TFAP2D: variants seen among roughly 807,000 people sequenced by gnomAD.
The protein encoded by TFAP2D is transcription factor AP-2 delta.
A neutral mutation model predicts 43.6 loss-of-function variants in TFAP2D; 9 were observed. The observed-to-expected ratio is 0.21, with a 90% CI of 0.12 to 0.36. TFAP2D has a LOEUF of 0.36. TFAP2D is among the 10% of genes least tolerant of loss of function. TFAP2D has a pLI of 1.00. For missense variants in TFAP2D, 513 were observed against 561.4 expected (o/e 0.91, Z 0.87); for synonymous variants, 256 against 224.9 (o/e 1.14, Z -1.24).
chr6:50,764,397 T>C (rs1252212935), intron 7 of TFAP2D, among the ~76,000 whole-genome samples: 1 of 152,202 alleles, frequency 6.6e-6, no homozygotes, highest in Non-Finnish European at 1.5e-5. Flanking sequence ...CTTTTTCTCA[T>C]TCTTGGAACA....
intron 3 of TFAP2D, among the ~76,000 whole-genome samples, chr6:50,727,043 T>C (rs1181705763): frequency 1.3e-5 from 2 of 152,218 alleles, no homozygotes; most frequent in Admixed American, 6.5e-5. Flanking sequence ...TCAGACACTG[T>C]CATGGAGGTT....
intron 7 of TFAP2D, among the ~76,000 whole-genome samples, chr6:50,755,756 T>C (rs1769255815): frequency 6.6e-6 from 1 of 152,056 alleles, no homozygotes; most frequent in Non-Finnish European, 1.5e-5. Flanking sequence ...AAGACCAGGC[T>C]GTGCAACATA....
intron 3 of TFAP2D, among the ~76,000 whole-genome samples, chr6:50,724,928 AG>A (rs1768786799): frequency 6.6e-6 from 1 of 152,048 alleles, no homozygotes; most frequent in African/African-American, 2.4e-5. Context: ...CCTCCTTACA[AG>A]GTGGGGAGAT....
At chr6:50,720,540 T>C (rs181671783) in intron 3 of TFAP2D, among the ~76,000 whole-genome samples, 174 of 128,606 alleles carry the variant, frequency 1.4e-3, no homozygotes, top group African/African-American at 5.0e-3. Flanking sequence ...CACACACACA[T>C]ATACGTGGTA....
At chr6:50,749,089 C>T (rs1208823838) in intron 6 of TFAP2D, among the ~76,000 whole-genome samples, 2 of 151,644 alleles carry the variant, frequency 1.3e-5, no homozygotes, top group African/African-American at 2.4e-5. Flanking sequence ...TAATTGCCTA[C>T]AGGGAATCTA....
chr6:50,719,221 G>A, intron 3 of TFAP2D, 71 bp downstream of exon 3: 1 of 1,500,094 alleles, frequency 6.7e-7, no homozygotes, highest in East Asian at 2.3e-5. Flanking sequence ...TAGAAGATCT[G>A]GTTGTGCTCA....
At chr6:50,729,061 C>T in intron 4 of TFAP2D, 40 bp downstream of exon 4, 25 of 1,610,488 alleles carry the variant, frequency 1.6e-5, no homozygotes, top group Non-Finnish European at 2.1e-5. Context: ...TTTCTGCTAA[C>T]TGATACCATA....
chr6:50,753,192 T>C (rs1412911077), intron 7 of TFAP2D, among the ~76,000 whole-genome samples: 5 of 151,866 alleles, frequency 3.3e-5, no homozygotes, highest in African/African-American at 1.2e-4. Flanking sequence ...TAAATGACAA[T>C]TTTACTCTGA....
chr6:50,727,580 T>A (rs1006565233), intron 3 of TFAP2D, among the ~76,000 whole-genome samples: 2 of 152,214 alleles, frequency 1.3e-5, no homozygotes, highest in African/African-American at 4.8e-5. Flanking sequence ...ATTTTATGCT[T>A]CTAACAAGTT....
intron 1 of TFAP2D, 104 bp from the exon 2 acceptor site, chr6:50,715,012 T>C (rs1768592743): frequency 6.8e-7 from 1 of 1,462,460 alleles, no homozygotes; most frequent in Non-Finnish European, 9.2e-7. Context: ...TCGCTTTCCT[T>C]GGAGTGCCAG....
intron 7 of TFAP2D, among the ~76,000 whole-genome samples, chr6:50,759,077 A>G (rs900142091): frequency 6.6e-6 from 1 of 152,018 alleles, no homozygotes; most frequent in African/African-American, 2.4e-5. Flanking sequence ...GCCAGAGGTA[A>G]TTGTTTCTAA....
At chr6:50,758,407 A>G (rs1014282213) in intron 7 of TFAP2D, among the ~76,000 whole-genome samples, 1 of 151,894 alleles carries the variant, frequency 6.6e-6, no homozygotes. Flanking sequence ...CCTTCCTTCC[A>G]TTTCCCAATG....
chr6:50,722,119 G>C (rs983873678), intron 3 of TFAP2D, among the ~76,000 whole-genome samples: 4 of 152,202 alleles, frequency 2.6e-5, no homozygotes, highest in Non-Finnish European at 4.4e-5. Context: ...ATGCGTGAAA[G>C]AGGGGGCAGC....
At chr6:50,715,782 AC>A (rs1768616665) in intron 2 of TFAP2D, among the ~76,000 whole-genome samples, 169 bp downstream of exon 2, 2 of 137,056 alleles carry the variant, frequency 1.5e-5, no homozygotes, top group Admixed American at 7.1e-5. Flanking sequence ...CACACACACC[AC>A]TTATGGAAAG....
At chr6:50,766,220 ATG>A (rs956003495) in intron 7 of TFAP2D, among the ~76,000 whole-genome samples, 4 of 152,150 alleles carry the variant, frequency 2.6e-5, no homozygotes, top group African/African-American at 9.7e-5. Flanking sequence ...CCATTGGTCT[ATG>A]TGTCTGTTTT....
chr6:50,771,539 T>C (rs938591027), intron 7 of TFAP2D, among the ~76,000 whole-genome samples: 1 of 152,250 alleles, frequency 6.6e-6, no homozygotes, highest in African/African-American at 2.4e-5. Flanking sequence ...ATGTGTAGTC[T>C]ATGCCATATA....
At chr6:50,766,427 A>C (rs1042655801) in intron 7 of TFAP2D, among the ~76,000 whole-genome samples, 8 of 152,028 alleles carry the variant, frequency 5.3e-5, no homozygotes, top group African/African-American at 1.9e-4. Context: ...TAGGGGTTGC[A>C]CTGAATCCAT....
In TFAP2D at chr6:50,765,514, C is replaced by T. The variant is rs181717526; in HGVS notation, c.1140-7131C>T. 2.6e-5 allele frequency among the ~76,000 whole-genome samples: 4 copies of T among 152,290 alleles called. No individual in the cohort carries two copies. The East Asian group carries it at 7.7e-4, about 29-fold the overall frequency. ...TGCAGGGTTAACTTTTATCTACACC[C>T]TCACCACCACTTATTTCTCAGCTTT... On this transcript the variant is annotated intron_variant, in intron 7 of 7. Coordinates refer to ENST00000008391, the MANE Select transcript of TFAP2D (RefSeq NM_172238.4).
chr6:50,717,162 AT>A (rs929349479), intron 2 of TFAP2D, among the ~76,000 whole-genome samples: 5 of 152,098 alleles, frequency 3.3e-5, no homozygotes, highest in Middle Eastern at 3.4e-3. Context: ...ATCTGTACAA[AT>A]TTTTTTTCTG....
Sources: gnomAD v4.1 joint callset for allele counts (sites outside exome capture counted in the v4.1 genomes callset) on GRCh38, gnomAD v4.1.1 for gene constraint, MANE v1.5 for transcripts, NCBI Gene and HGNC (gene_info 2026-07-23, HGNC 2026-07-21) for gene names.